The following CNTN4 variants were observed in gnomAD, a reference collection of about 807,000 sequenced individuals.
The protein encoded by CNTN4 is contactin-4.
A neutral mutation model predicts 122.5 loss-of-function variants in CNTN4; 77 were observed. That is an observed-to-expected ratio of 0.63 (90% CI 0.52 to 0.76). The LOEUF (loss-of-function observed/expected upper bound fraction) is 0.76, where lower values mean the gene tolerates loss of function less well. CNTN4 is among the 30% of genes least tolerant of loss of function. The pLI is 0.00. For synonymous variants in CNTN4, 512 were observed against 447.0 expected (o/e 1.15, Z -1.83); for missense variants, 1,256 against 1,259.1 (o/e 1.00, Z 0.04).
At chr3:2,141,936 C>T (rs1024850976) in intron 2 of CNTN4, among the ~76,000 whole-genome samples, 1 of 152,188 alleles carries the variant, frequency 6.6e-6, no homozygotes, top group East Asian at 1.9e-4. Context: ...AAATTAGTGG[C>T]TTAATCAGAA....
chr3:2,292,864 T>C (rs1158706385), intron 2 of CNTN4, among the ~76,000 whole-genome samples: 1 of 152,274 alleles, frequency 6.6e-6, no homozygotes, highest in Non-Finnish European at 1.5e-5. Flanking sequence ...AAAACAGTTA[T>C]GAATATCTGC....
At chr3:2,646,508 G>A (rs2083126637) in intron 4 of CNTN4, among the ~76,000 whole-genome samples, 2 of 152,088 alleles carry the variant, frequency 1.3e-5, no homozygotes, top group African/African-American at 2.4e-5. Context: ...ACTATTCCCT[G>A]GTGCATAGTA....
chr3:2,611,262 A>C (rs1189114271), intron 4 of CNTN4, among the ~76,000 whole-genome samples: 6 of 149,390 alleles, frequency 4.0e-5, no homozygotes, highest in Non-Finnish European at 8.9e-5. Flanking sequence ...AGACCAGAAC[A>C]TTTAGGGGAC....
At chr3:2,302,317 A>G (rs566363354) in intron 2 of CNTN4, among the ~76,000 whole-genome samples, 123 of 152,220 alleles carry the variant, frequency 8.1e-4, no homozygotes, top group African/African-American at 2.8e-3. Context: ...AATCTCAGCT[A>G]CTGAGGAGGC....
rs535039009 is a variant in CNTN4, at chr3:2,598,664, A to G, written c.55+27106A>G. ...ATATAAGGAAACTTATGTAGCCGTAATAGAAATTCAGTAGAATTAGAAAGT... is the reference window on the plus strand; with the variant it reads ...ATATAAGGAAACTTATGTAGCCGTAGTAGAAATTCAGTAGAATTAGAAAGT... On this transcript the variant is annotated intron_variant, in intron 4 of 24. Coordinates refer to ENST00000418658, the MANE Select transcript of CNTN4 (RefSeq NM_175607.3). Among the ~76,000 whole-genome samples the G allele has an allele frequency of 6.0e-4, 92 of 152,328 alleles. 1 individual carries two copies. The highest frequency in any genetic ancestry group is 2.4e-4 in the Non-Finnish European group (16 of 68,028).
chr3:2,173,985 T>C (rs1190315914), intron 2 of CNTN4, among the ~76,000 whole-genome samples: 1 of 152,122 alleles, frequency 6.6e-6, no homozygotes, highest in African/African-American at 2.4e-5. Context: ...ACTAGAAGGG[T>C]GACGATCTTG....
chr3:2,362,418 C>G (rs1009595394), intron 3 of CNTN4: 9 of 363,188 alleles, frequency 2.5e-5, no homozygotes, highest in African/African-American at 1.9e-4. Flanking sequence ...CCCCAACCAT[C>G]TTCTGTGGGA....
chr3:2,241,904 GA>G (rs1370605000), intron 2 of CNTN4, among the ~76,000 whole-genome samples: 2 of 150,672 alleles, frequency 1.3e-5, no homozygotes, highest in Non-Finnish European at 3.0e-5. Context: ...CTTTTCAAAG[GA>G]TCTCACTTAT....
intron 4 of CNTN4, among the ~76,000 whole-genome samples, chr3:2,698,086 C>T (rs1256443723): frequency 3.3e-5 from 5 of 152,120 alleles, no homozygotes; most frequent in East Asian, 1.9e-4. Context: ...ATGAAAACGC[C>T]GTGGCTAATC....
At chr3:2,806,218 A>G (rs980353210) in intron 6 of CNTN4, among the ~76,000 whole-genome samples, 3 of 152,126 alleles carry the variant, frequency 2.0e-5, no homozygotes, top group African/African-American at 7.2e-5. Context: ...GCACTTTCTT[A>G]TACTCTACAG....
chr3:2,230,055 C>T lies in CNTN4; in HGVS notation c.-144-109123C>T, dbSNP rs974396793. Among the ~76,000 whole-genome samples, 17 of 152,250 alleles carry T rather than the reference C, an allele frequency of 1.1e-4. No individual in the cohort carries two copies. In the Middle Eastern group the frequency reaches 0.014, roughly 122 times the overall value. On this transcript the variant is annotated intron_variant, in intron 2 of 24. Coordinates refer to ENST00000418658, the MANE Select transcript of CNTN4 (RefSeq NM_175607.3). ...TGCTACTGTGGTCATCATTATTAAG[C>T]TTTATTAGAGATCCCTACTCTATTT...
chr3:2,461,842 G>C (rs1484898825), intron 3 of CNTN4, among the ~76,000 whole-genome samples: 2 of 152,132 alleles, frequency 1.3e-5, no homozygotes, highest in Non-Finnish European at 2.9e-5. Context: ...TGCTTTCTGA[G>C]ACCAAGTTGC....
At chr3:2,105,123 T>G (rs2032326434) in intron 2 of CNTN4, among the ~76,000 whole-genome samples, 2 of 152,308 alleles carry the variant, frequency 1.3e-5, no homozygotes, top group South Asian at 4.1e-4. Flanking sequence ...TTGGGCTCCA[T>G]GTATGCCTTT....
intron 4 of CNTN4, 45 bp from the exon 5 acceptor site, chr3:2,736,170 T>A (rs2089072520): frequency 1.3e-6 from 2 of 1,597,112 alleles, no homozygotes; most frequent in South Asian, 2.2e-5. Context: ...TTGTTCCTAT[T>A]TGGAAGGGAT....
chr3:2,630,946 C>A (rs773552261), intron 4 of CNTN4, among the ~76,000 whole-genome samples: 112 of 152,258 alleles, frequency 7.4e-4, no homozygotes, highest in Admixed American at 1.8e-3. Context: ...TCTTACCAAA[C>A]CTCAACTTAT....
chr3:2,430,173 C>T (rs2048010362), intron 3 of CNTN4, among the ~76,000 whole-genome samples: 1 of 151,986 alleles, frequency 6.6e-6, no homozygotes, highest in South Asian at 2.1e-4. Context: ...CCTGTAATCC[C>T]AGCACTTTGG....
chr3:2,717,468 G>C (rs898152002), intron 4 of CNTN4, among the ~76,000 whole-genome samples: 1 of 152,180 alleles, frequency 6.6e-6, no homozygotes, highest in South Asian at 2.1e-4. Flanking sequence ...TCTCCTGGGA[G>C]AAGACTTGGG....
Position 2,815,873 on chromosome 3 carries a change from C to CATATATATATATATATATATATATATAT in CNTN4, c.359-3595_359-3594insATATATATATATATATATATATATATAT, listed in dbSNP as rs58111735. 3.4e-3 allele frequency among the ~76,000 whole-genome samples: 480 copies of CATATATATATATATATATATATATATAT among 140,862 alleles called. 15 individuals carry two copies. Among genetic ancestry groups the CATATATATATATATATATATATATATAT allele is most frequent in the African/African-American group, 0.013 (435 of 32,342 alleles). The allele number at this position is 140,862 out of a possible 152,430, so 92.4% of individuals were successfully genotyped here. A position where few individuals can be genotyped will look rare whatever the true frequency, so the allele number is the denominator to read the frequency against. On this transcript the variant is annotated intron_variant, in intron 6 of 24. Coordinates refer to ENST00000418658, the MANE Select transcript of CNTN4 (RefSeq NM_175607.3). ...CAATAAGTGGCTAAAGAAACTATGG[C>CATATATATATATATATATATATATATAT]ATATATATATATATATATGATGGAA...
intron 3 of CNTN4, among the ~76,000 whole-genome samples, chr3:2,450,601 G>C (rs1428211742): frequency 2.0e-5 from 3 of 151,940 alleles, no homozygotes; most frequent in African/African-American, 7.3e-5. Context: ...GTGTCACTTT[G>C]TCTCCTGTCC....
Sources: allele counts gnomAD v4.1 joint callset (sites outside exome capture counted in the v4.1 genomes callset), GRCh38; gene constraint gnomAD v4.1.1; transcripts MANE v1.5; gene names NCBI Gene and HGNC (gene_info 2026-07-23, HGNC 2026-07-21).